UNC5D: variants seen among roughly 807,000 people sequenced by gnomAD.
UNC5D encodes netrin receptor UNC5D.
A neutral mutation model predicts 105.4 loss-of-function variants in UNC5D; 39 were observed. That is an observed-to-expected ratio of 0.37 (90% confidence interval 0.29 to 0.48). The LOEUF (loss-of-function observed/expected upper bound fraction) is 0.48. Ranked by LOEUF, UNC5D falls within the 20% of genes least tolerant of loss-of-function variation. The probability of loss-of-function intolerance (pLI) is 0.98; values close to 1 mark genes in which losing one functional copy is unlikely to be tolerated. For missense variants in UNC5D, 991 were observed against 1,202.4 expected (o/e 0.82, Z 2.60); for synonymous variants, 452 against 450.4 (o/e 1.00, Z -0.04).
chr8:35,587,964 TAA>T (rs1491484353), intron 3 of UNC5D, among the ~76,000 whole-genome samples: 3 of 32,490 alleles, frequency 9.2e-5, no homozygotes, highest in Non-Finnish European at 2.0e-4. Context: ...ATAACTATAA[TAA>T]TATATATATA....
At chr8:35,280,755 G>C (rs1429014211) in intron 1 of UNC5D, among the ~76,000 whole-genome samples, 1 of 152,090 alleles carries the variant, frequency 6.6e-6, no homozygotes, top group Admixed American at 6.6e-5. Flanking sequence ...TTTAGCCTTA[G>C]TTTTCTCTTG....
intron 1 of UNC5D, among the ~76,000 whole-genome samples, chr8:35,443,951 A>G (rs1204243315): frequency 6.6e-6 from 1 of 151,964 alleles, no homozygotes; most frequent in African/African-American, 2.4e-5. Flanking sequence ...TAATATAGAA[A>G]TTTATGATAT....
At chr8:35,451,355 C>T (rs1473196594) in intron 1 of UNC5D, among the ~76,000 whole-genome samples, 1 of 152,038 alleles carries the variant, frequency 6.6e-6, no homozygotes, top group Non-Finnish European at 1.5e-5. Flanking sequence ...ATAGTAATAA[C>T]CTTTTATAAG....
chr8:35,404,713 G>A (rs1053249571), intron 1 of UNC5D, among the ~76,000 whole-genome samples: 8 of 151,924 alleles, frequency 5.3e-5, no homozygotes, highest in Non-Finnish European at 1.2e-4. Context: ...TCAGCCTCCC[G>A]AGTAGCTGTG....
intron 4 of UNC5D, among the ~76,000 whole-genome samples, chr8:35,663,062 G>A (rs976536028): frequency 3.9e-5 from 6 of 152,252 alleles, no homozygotes; most frequent in Middle Eastern, 3.4e-3. Context: ...CCCCAGGTCC[G>A]TGGAAAAATT....
At chr8:35,636,500 A>G (rs1189849531) in intron 4 of UNC5D, among the ~76,000 whole-genome samples, 1 of 152,142 alleles carries the variant, frequency 6.6e-6, no homozygotes, top group Non-Finnish European at 1.5e-5. Flanking sequence ...GTTTCTCCAG[A>G]CATTGCCAAA....
chr8:35,726,264 C>T lies in UNC5D; in HGVS notation c.1416C>T (p.Ser472=), dbSNP rs1476124020. Residue 472 remains serine (S), a synonymous_variant, in exon 10 of 17, where the codon TCC becomes TCT. Transcript: ENST00000404895. ...DPLDKELMTE[S]SLFNPLSDIK... ...TGGACAAGGAGCTCATGACAGAGTC[C>T]TCACTCTTTAACCCTTTGTCGGACA... The T allele has an allele frequency of 3.1e-6, 5 of 1,614,012 alleles. No homozygotes were observed. The African/African-American group carries it at 4.0e-5, about 13-fold the overall frequency.
At chr8:35,740,294 A>C (rs1460402971) in intron 11 of UNC5D, among the ~76,000 whole-genome samples, 1 of 152,236 alleles carries the variant, frequency 6.6e-6, no homozygotes, top group South Asian at 2.1e-4. Flanking sequence ...AAGTTTATCT[A>C]ATGTACGGGT....
At chr8:35,463,823 CTGTT>C (rs1203731050) in intron 1 of UNC5D, among the ~76,000 whole-genome samples, 3 of 151,162 alleles carry the variant, frequency 2.0e-5, no homozygotes, top group African/African-American at 4.9e-5. Context: ...ACAATTTTGT[CTGTT>C]TGGTTATTGC....
At chr8:35,596,925 T>C (rs1157631379) in intron 4 of UNC5D, among the ~76,000 whole-genome samples, 1 of 152,118 alleles carries the variant, frequency 6.6e-6, no homozygotes, top group Non-Finnish European at 1.5e-5. Flanking sequence ...AAGGTTTATT[T>C]TCCTTTCACA....
At chr8:35,465,632 T>C (rs1809248314) in intron 1 of UNC5D, among the ~76,000 whole-genome samples, 1 of 152,234 alleles carries the variant, frequency 6.6e-6, no homozygotes, top group African/African-American at 2.4e-5. Context: ...CTCATCATTC[T>C]CTTAATATTG....
chr8:35,440,828 G>A (rs1807346000), intron 1 of UNC5D, among the ~76,000 whole-genome samples: 1 of 151,874 alleles, frequency 6.6e-6, no homozygotes, highest in Non-Finnish European at 1.5e-5. Context: ...TGCTATTTTT[G>A]TCTTCCTAAT....
At chr8:35,525,079 C>T in intron 1 of UNC5D, 1 of 1,175,818 alleles carries the variant, frequency 8.5e-7, no homozygotes, top group South Asian at 1.4e-5. Flanking sequence ...GCCAACAGGA[C>T]ATATAGGATC....
At chr8:35,248,029 A>T (rs188879049) in intron 1 of UNC5D, among the ~76,000 whole-genome samples, 1,998 of 24,302 alleles carry the variant, frequency 0.082, 98 homozygotes, top group East Asian at 0.17. Context: ...TATATAAATA[A>T]ATATTATATA....
intron 1 of UNC5D, among the ~76,000 whole-genome samples, chr8:35,440,596 C>A (rs1359863067): frequency 6.6e-6 from 1 of 151,960 alleles, no homozygotes; most frequent in African/African-American, 2.4e-5. Context: ...AACTAGCATG[C>A]TAAATTAAGT....
chr8:35,484,151 G>T (rs1052432125), intron 1 of UNC5D, among the ~76,000 whole-genome samples: 2 of 152,098 alleles, frequency 1.3e-5, no homozygotes, highest in African/African-American at 4.8e-5. Context: ...TCAATGCCAA[G>T]CTCCTTGTCC....
At chr8:35,261,050 C>T (rs1322901275) in intron 1 of UNC5D, among the ~76,000 whole-genome samples, 10 of 152,162 alleles carry the variant, frequency 6.6e-5, no homozygotes, top group Admixed American at 6.5e-4. Context: ...TTCACTGCTA[C>T]GGTCACACCA....
chr8:35,275,861 AT>A (rs942591767), intron 1 of UNC5D, among the ~76,000 whole-genome samples: 3 of 152,022 alleles, frequency 2.0e-5, no homozygotes, highest in African/African-American at 4.8e-5. Context: ...TTATAATTAC[AT>A]TTTTTTTCTC....
Position 35,271,726 on chromosome 8 carries a change from CATGTATA to C in UNC5D, c.103+35840_103+35846del, listed in dbSNP as rs1283116535. On this transcript the variant is annotated intron_variant, in intron 1 of 16. Transcript: ENST00000404895. ...ATACATATATATTTATACATGTATA[CATGTATA>C]CATATATATTTATACATGTATACAT... Among the ~76,000 whole-genome samples the C allele has an allele frequency of 6.6e-4, 79 of 120,424 alleles. 4 individuals are homozygous for C. The highest frequency in any genetic ancestry group is 2.5e-3 in the African/African-American group (74 of 29,922). 79.0% of individuals were successfully genotyped at this position (120,424 alleles called of 152,430 possible).
Sources: allele counts gnomAD v4.1 joint callset (sites outside exome capture counted in the v4.1 genomes callset), GRCh38; gene constraint gnomAD v4.1.1; transcripts MANE v1.5; gene names NCBI Gene and HGNC (gene_info 2026-07-23, HGNC 2026-07-21).